The following PRIM2 variants were observed in gnomAD, a reference collection of about 807,000 sequenced individuals.
The protein encoded by PRIM2 is DNA primase large subunit.
In PRIM2, 39 loss-of-function variants were observed where a neutral mutation model predicts 67.3. The observed-to-expected ratio is 0.58, with a 90% CI of 0.45 to 0.76. The LOEUF (loss-of-function observed/expected upper bound fraction) is 0.76. PRIM2 is among the 30% of genes least tolerant of loss of function. The pLI, the probability that PRIM2 is intolerant of heterozygous loss-of-function variation, is 0.00. For synonymous variants in PRIM2, 143 were observed against 198.7 expected (o/e 0.72, Z 2.36); for missense variants, 398 against 598.7 (o/e 0.66, Z 3.50).
At chr6:57,336,046 G>A (rs1457258123) in intron 5 of PRIM2, among the ~76,000 whole-genome samples, 3 of 152,018 alleles carry the variant, frequency 2.0e-5, no homozygotes, top group Non-Finnish European at 4.4e-5. Context: ...CAAGGCTCGA[G>A]AACTACGTGA....
chr6:57,521,373 T>TTTTG (rs1774617859), intron 8 of PRIM2, among the ~76,000 whole-genome samples: 2 of 137,318 alleles, frequency 1.5e-5, no homozygotes, highest in South Asian at 4.3e-4. Context: ...TAGGGTTTTT[T>TTTTG]TTTTTTTTTT....
chr6:57,503,733 G>A (rs1774192946), intron 7 of PRIM2, among the ~76,000 whole-genome samples: 1 of 151,628 alleles, frequency 6.6e-6, no homozygotes, highest in African/African-American at 2.4e-5. Flanking sequence ...TCCAGCCTGG[G>A]TGACAAAGCA....
At position 57,441,069 on chromosome 6, in the gene PRIM2, G is replaced by A. The variant is rs530710687; in HGVS notation, c.693+58901G>A. On this transcript the variant is annotated intron_variant, in intron 7 of 13. Transcript: ENST00000615550. ...CTTGCTGAAGTCAAATGCATTGTTTGTCATTTAATAAGAGTCAGTGACGTT... is the reference window on the plus strand; with the variant it reads ...CTTGCTGAAGTCAAATGCATTGTTTATCATTTAATAAGAGTCAGTGACGTT... 5.9e-4 allele frequency among the ~76,000 whole-genome samples: 90 copies of A among 152,270 alleles called. 2 individuals are homozygous for A. In the East Asian group the frequency reaches 0.016, roughly 27 times the overall value.
the PRIM2 span, among the ~76,000 whole-genome samples, chr6:57,277,015 AAGG>A: frequency 6.6e-6 from 1 of 152,130 alleles, no homozygotes; most frequent in Non-Finnish European, 1.5e-5. Flanking sequence ...GAAGAGGAAG[AAGG>A]AGAAGACCAC....
At chr6:57,452,867 A>G (rs543431983) in intron 7 of PRIM2, among the ~76,000 whole-genome samples, 1 of 152,128 alleles carries the variant, frequency 6.6e-6, no homozygotes, top group South Asian at 2.1e-4. Flanking sequence ...GCCCTTACCT[A>G]TGTCCTGAAT....
the PRIM2 span, among the ~76,000 whole-genome samples, chr6:57,290,776 A>G: frequency 6.6e-6 from 1 of 152,236 alleles, no homozygotes; most frequent in Non-Finnish European, 1.5e-5. Context: ...AAACGAAGGC[A>G]GAAATAAAGA....
chr6:57,485,983 A>T (rs2127407318), intron 7 of PRIM2, among the ~76,000 whole-genome samples: 1 of 152,276 alleles, frequency 6.6e-6, no homozygotes, highest in Admixed American at 6.5e-5. Flanking sequence ...TAAGGTTAAG[A>T]TAGGAGAAAT....
At chr6:57,539,612 T>TTGTGTG (rs1232932730) in intron 10 of PRIM2, among the ~76,000 whole-genome samples, 176 of 129,330 alleles carry the variant, frequency 1.4e-3, no homozygotes, top group South Asian at 7.5e-3. Context: ...ATTATATTCT[T>TTGTGTG]TGTGTGTGTG....
the PRIM2 span, among the ~76,000 whole-genome samples, chr6:57,223,647 A>C: frequency 1.3e-5 from 2 of 152,204 alleles, no homozygotes; most frequent in African/African-American, 4.8e-5. Context: ...ACAATTAAAA[A>C]GTTGGCAAAT....
intron 13 of PRIM2, among the ~76,000 whole-genome samples, chr6:57,636,653 G>A (rs2127500462): frequency 6.6e-6 from 1 of 152,208 alleles, no homozygotes; most frequent in East Asian, 1.9e-4. Flanking sequence ...AGGAGAAACA[G>A]CATCACAGAG....
intron 8 of PRIM2, among the ~76,000 whole-genome samples, chr6:57,510,578 G>A (rs1270007765): frequency 2.6e-5 from 4 of 152,058 alleles, no homozygotes; most frequent in African/African-American, 7.2e-5. Context: ...TTTCACTCAT[G>A]ACGGGTTGCT....
chr6:57,488,953 T>G (rs1475210357), intron 7 of PRIM2, among the ~76,000 whole-genome samples: 8 of 151,928 alleles, frequency 5.3e-5, no homozygotes, highest in Non-Finnish European at 7.4e-5. Flanking sequence ...AACAAAGAAA[T>G]AAACCTCCAG....
intron 7 of PRIM2, among the ~76,000 whole-genome samples, chr6:57,426,624 A>G (rs1771634307): frequency 6.6e-6 from 1 of 152,204 alleles, no homozygotes; most frequent in African/African-American, 2.4e-5. Flanking sequence ...AAAACTGGTA[A>G]AACCAGGTGT....
chr6:57,414,907 A>G (rs1444884535), intron 7 of PRIM2, among the ~76,000 whole-genome samples: 3 of 152,162 alleles, frequency 2.0e-5, no homozygotes, highest in Non-Finnish European at 4.4e-5. Context: ...AAAAGTCTTG[A>G]AGAGACTGAA....
In PRIM2 at chr6:57,380,152, A is replaced by G. The variant is rs574039498; in HGVS notation, c.555+156A>G. 4.2e-4 allele frequency: 97 copies of G among 229,482 alleles called. No individual in the cohort carries two copies. In the East Asian group the frequency reaches 0.015, roughly 35 times the overall value. 14.2% of individuals were successfully genotyped at this position (229,482 alleles called of 1,614,324 possible). On this transcript the variant is annotated intron_variant, in intron 6 of 13. Coordinates refer to ENST00000615550, the MANE Select transcript of PRIM2 (RefSeq NM_000947.5). Reference sequence around the variant, plus strand: ...TCCTCATTGCACTAATGGTGTGCCAATGTTCTCTCCTGGGCTGTCTCCTTC... The same window carrying G: ...TCCTCATTGCACTAATGGTGTGCCAGTGTTCTCTCCTGGGCTGTCTCCTTC...
chr6:57,222,866 GGAACAA>G, the PRIM2 span, among the ~76,000 whole-genome samples: 1 of 152,154 alleles, frequency 6.6e-6, no homozygotes, highest in African/African-American at 2.4e-5. Flanking sequence ...AATGTAAACT[GGAACAA>G]CTCCTTTGAA....
Position 57,646,395 on chromosome 6 carries a change from GGT to G in PRIM2, c.*239_*240del. The G allele has an allele frequency of 2.2e-6, 1 of 450,574 alleles. No individual in the cohort carries two copies. The allele number at this position is 450,574 out of a possible 1,614,324, so 27.9% of individuals were successfully genotyped here. On this transcript the variant is annotated 3_prime_UTR_variant, in exon 14 of 14. Coordinates refer to ENST00000615550, the MANE Select transcript of PRIM2 (RefSeq NM_000947.5). ...ATTTTTTTCAATTTTTTTTTGTAGA[GGT>G]GGGGGGTCTCCCTATGTTGCCCAGG... is the stretch of plus-strand genomic sequence containing the variant.
intron 10 of PRIM2, among the ~76,000 whole-genome samples, chr6:57,566,150 T>C (rs1307404896): frequency 6.6e-6 from 1 of 151,014 alleles, no homozygotes; most frequent in Non-Finnish European, 1.5e-5. Context: ...TGTGGTGTCA[T>C]TTAATTTGTT....
intron 7 of PRIM2, among the ~76,000 whole-genome samples, chr6:57,430,918 C>T (rs547737408): frequency 6.6e-6 from 1 of 152,206 alleles, no homozygotes; most frequent in East Asian, 1.9e-4. Flanking sequence ...ATAATCTTAT[C>T]TTAGTTTTAA....
Sources: allele counts gnomAD v4.1 joint callset (sites outside exome capture counted in the v4.1 genomes callset), GRCh38; gene constraint gnomAD v4.1.1; transcripts MANE v1.5; gene names NCBI Gene and HGNC (gene_info 2026-07-23, HGNC 2026-07-21).